STEAP4: variants seen among roughly 807,000 people sequenced by gnomAD.
STEAP4 encodes the protein STEAP4 metalloreductase.
Under a neutral mutation model 43.6 loss-of-function variants are expected in STEAP4, and 36 were observed. That is an observed-to-expected ratio of 0.83 (90% CI 0.63 to 1.09). The LOEUF is 1.09. Among genes scored for constraint, STEAP4 ranks in the 50% least tolerant of loss-of-function variants. The pLI, the probability that STEAP4 is intolerant of heterozygous loss-of-function variation, is 0.00. For synonymous variants in STEAP4, 191 were observed against 196.7 expected (o/e 0.97, Z 0.24); for missense variants, 495 against 546.5 (o/e 0.91, Z 0.94).
chr7:88,297,754 T>C (rs187579614), intron 1 of STEAP4, among the ~76,000 whole-genome samples: 14 of 152,182 alleles, frequency 9.2e-5, no homozygotes, highest in African/African-American at 3.4e-4. Flanking sequence ...CTAACTGTGG[T>C]AGCAAAGGGC....
intron 1 of STEAP4, among the ~76,000 whole-genome samples, chr7:88,286,244 A>G (rs1852731848): frequency 6.6e-6 from 1 of 152,246 alleles, no homozygotes. Flanking sequence ...TATAATTATT[A>G]CTGATAACAT....
rs1443970197 is a variant in STEAP4 at position 88,272,258 on chromosome 7, A to T, written c.*7140T>A. ...AAAAGCACAGTTTCCTTTCCCCTTG[A>T]TGGGAATAACTCTTAGTTATATCTG... On this transcript the variant is annotated 3_prime_UTR_variant, in exon 5 of 5. Coordinates refer to ENST00000380079, the MANE Select transcript of STEAP4 (RefSeq NM_024636.4). 1.3e-5 allele frequency: 2 copies of T among 152,202 alleles called. No homozygotes were observed. The highest frequency in any genetic ancestry group is 1.9e-4 in the East Asian group (1 of 5,196). 9.4% of individuals were successfully genotyped at this position (152,202 alleles called of 1,614,324 possible). A position where few individuals can be genotyped will look rare whatever the true frequency, so the allele number is the denominator to read the frequency against.
Position 88,278,209 on chromosome 7 carries a change from T to C in STEAP4, c.*1189A>G, listed in dbSNP as rs1000630965. ...AAGGTTAATCCCCCTGAAGGTCACC[T>C]TGGAAAGGGTACTATCAGCACAGAA... is the stretch of plus-strand genomic sequence containing the variant. On this transcript the variant is annotated 3_prime_UTR_variant, in exon 5 of 5. Transcript: ENST00000380079. 1 of 152,154 alleles carries C rather than the reference T, an allele frequency of 6.6e-6. No individual in the cohort carries two copies. The highest frequency in any genetic ancestry group is 1.5e-5 in the Non-Finnish European group (1 of 68,026). The allele number at this position is 152,154 out of a possible 1,614,324, so 9.4% of individuals were successfully genotyped here.
intron 3 of STEAP4, 58 bp from the exon 4 acceptor site, chr7:88,281,137 C>G: frequency 7.2e-7 from 1 of 1,387,604 alleles, no homozygotes; most frequent in East Asian, 2.7e-5. Flanking sequence ...ATTTTACAAA[C>G]TGCCCACACT....
chr7:88,300,525 A>G (rs1467652088), intron 1 of STEAP4, among the ~76,000 whole-genome samples: 1 of 152,142 alleles, frequency 6.6e-6, no homozygotes, highest in African/African-American at 2.4e-5. Context: ...AATTACAGGT[A>G]TGAGCCACTG....
intron 3 of STEAP4, 74 bp from the exon 4 acceptor site, chr7:88,281,153 A>G: frequency 8.2e-7 from 1 of 1,222,938 alleles, no homozygotes. Context: ...ACACTTTGAC[A>G]GTGGGCACAA....
intron 1 of STEAP4, among the ~76,000 whole-genome samples, chr7:88,285,756 C>CAAAAAAAAAAAAAAAAAAA (rs371254467): frequency 1.3e-5 from 1 of 78,388 alleles, no homozygotes; most frequent in Non-Finnish European, 2.5e-5. Flanking sequence ...GACTTTGTCT[C>CAAAAAAAAAAAAAAAAAAA]AAAAAAAAAA....
chr7:88,275,491 T>G lies in STEAP4; in HGVS notation c.*3907A>C, dbSNP rs1852499922. ...AGTAACTTATACTCTTTTCCCAAATTCTACTGAACAAACCTTTAGAAGAGT... is the reference window on the plus strand; with the variant it reads ...AGTAACTTATACTCTTTTCCCAAATGCTACTGAACAAACCTTTAGAAGAGT... On this transcript the variant is annotated 3_prime_UTR_variant, in exon 5 of 5. Coordinates refer to ENST00000380079, the MANE Select transcript of STEAP4 (RefSeq NM_024636.4). 2 of 152,140 alleles carry G rather than the reference T, an allele frequency of 1.3e-5. No individual in the cohort carries two copies. The highest frequency in any genetic ancestry group is 4.8e-5 in the African/African-American group (2 of 41,422). 9.4% of individuals were successfully genotyped at this position (152,140 alleles called of 1,614,324 possible).
intron 1 of STEAP4, among the ~76,000 whole-genome samples, chr7:88,301,395 C>CAG (rs1853030706): frequency 6.6e-6 from 1 of 152,138 alleles, no homozygotes; most frequent in African/African-American, 2.4e-5. Context: ...ACTTCCGCCT[C>CAG]CCAAGTAGCT....
chr7:88,299,836 A>T (rs932173740), intron 1 of STEAP4, among the ~76,000 whole-genome samples: 2 of 152,182 alleles, frequency 1.3e-5, no homozygotes, highest in Non-Finnish European at 2.9e-5. Flanking sequence ...CCCCACCCCC[A>T]TTCCTTGCTG....
chr7:88,301,975 A>T (rs1165371120), intron 1 of STEAP4, among the ~76,000 whole-genome samples: 1 of 152,254 alleles, frequency 6.6e-6, no homozygotes, highest in African/African-American at 2.4e-5. Context: ...AAATCAGGAA[A>T]TACCAAGGTT....
Position 88,273,396 on chromosome 7 carries a change from C to T in STEAP4, c.*6002G>A, listed in dbSNP as rs1852468349. 6.6e-6 allele frequency: 1 copy of T among 152,084 alleles called. No individual in the cohort carries two copies. 9.4% of individuals were successfully genotyped at this position (152,084 alleles called of 1,614,324 possible). A position where few individuals can be genotyped will look rare whatever the true frequency, so the allele number is the denominator to read the frequency against. ...GTTTCTATTTTATCACAATCTGATA[C>T]TTTTTGATATACAATACTGTGAGTT... On this transcript the variant is annotated 3_prime_UTR_variant, in exon 5 of 5. Coordinates refer to ENST00000380079, the MANE Select transcript of STEAP4 (RefSeq NM_024636.4).
At chr7:88,298,918 A>T (rs1438234302) in intron 1 of STEAP4, among the ~76,000 whole-genome samples, 1 of 152,196 alleles carries the variant, frequency 6.6e-6, no homozygotes, top group Non-Finnish European at 1.5e-5. Flanking sequence ...GCACACAAAA[A>T]CACAGTAATC....
At chr7:88,288,145 A>C (rs1458637187) in intron 1 of STEAP4, among the ~76,000 whole-genome samples, 1 of 152,216 alleles carries the variant, frequency 6.6e-6, no homozygotes, top group African/African-American at 2.4e-5. Context: ...CCCCAAGGTA[A>C]ATTCAAAATA....
Position 88,279,438 on chromosome 7 carries a change from G to C in STEAP4, c.1340C>G (p.Thr447Arg), listed in dbSNP as rs1303703620. The C allele has an allele frequency of 6.2e-7, 1 of 1,614,072 alleles. No individual in the cohort carries two copies. The highest frequency in any genetic ancestry group is 8.5e-7 in the Non-Finnish European group (1 of 1,180,002). ...LIMPCVDNTL[T>R]RIRQGWERNS... is the part of the protein sequence containing the mutation. ...CCTTTCCCAGCCCTGGCGGATCCTTGTAAGGGTGTTGTCTACACATGGCAT... is the reference window on the plus strand; with the variant it reads ...CCTTTCCCAGCCCTGGCGGATCCTTCTAAGGGTGTTGTCTACACATGGCAT... Residue 447 changes from threonine (T) to arginine (R), a missense_variant, in exon 5 of 5, where the codon ACA (threonine) becomes AGA (arginine). Physicochemically the swap from Thr to Arg is moderately conservative, Grantham distance 71. Transcript: ENST00000380079.
intron 1 of STEAP4, among the ~76,000 whole-genome samples, chr7:88,296,715 A>G (rs946393473): frequency 1.3e-5 from 2 of 152,196 alleles, no homozygotes; most frequent in African/African-American, 2.4e-5. Context: ...TAAAAAAAAT[A>G]AAAACCTTCC....
intron 1 of STEAP4, among the ~76,000 whole-genome samples, chr7:88,288,951 T>G (rs1391569517): frequency 6.6e-6 from 1 of 152,210 alleles, no homozygotes; most frequent in African/African-American, 2.4e-5. Context: ...TTTTATACTT[T>G]TGAAGAATAT....
chr7:88,282,443 G>A (rs947197133), intron 3 of STEAP4, 198 bp downstream of exon 3: 22 of 615,596 alleles, frequency 3.6e-5, no homozygotes, highest in African/African-American at 1.9e-4. Context: ...CACCGCCCCC[G>A]GCAAACTTTT....
At position 88,279,418 on chromosome 7, in the gene STEAP4, C is replaced by T. The variant is rs1275532208; in HGVS notation, c.1360G>A (p.Glu454Lys). The T allele has an allele frequency of 2.5e-6, 4 of 1,614,002 alleles. No individual in the cohort carries two copies. The highest frequency in any genetic ancestry group is 2.2e-5 in the South Asian group (2 of 91,052). ...TTTTTCTAGTGTTTTGAGTTCCTTT[C>T]CCAGCCCTGGCGGATCCTTGTAAGG... is the stretch of plus-strand genomic sequence containing the variant. The part of the protein sequence containing the change: ...NTLTRIRQGW[E>K]RNSKH The change falls in exon 5 of 5, where the codon GAA (glutamate) becomes AAA (lysine). Residue 454 changes from glutamate to lysine, a missense_variant. By Grantham distance (56) the Glu-to-Lys change is moderately conservative (BLOSUM62 1). Transcript: ENST00000380079.
Sources: gnomAD v4.1 joint callset for allele counts (sites outside exome capture counted in the v4.1 genomes callset) on GRCh38, gnomAD v4.1.1 for gene constraint, MANE v1.5 for transcripts, NCBI Gene and HGNC (gene_info 2026-07-23, HGNC 2026-07-21) for gene names.